Variants in SBSPON observed in about 807,000 individuals in gnomAD.
SBSPON encodes the protein somatomedin B and thrombospondin type 1 domain containing.
Under a neutral mutation model 35.8 loss-of-function variants are expected in SBSPON, and 30 were observed. The ratio of observed to expected loss-of-function variants is 0.84; its 90% CI spans 0.63 to 1.14. The LOEUF (loss-of-function observed/expected upper bound fraction) is 1.14, where lower values mean the gene tolerates loss of function less well. Among genes scored for constraint, SBSPON ranks in the 50% most tolerant of loss-of-function variants. SBSPON has a pLI of 0.00. For missense variants in SBSPON, 364 were observed against 357.7 expected (o/e 1.02, Z -0.14); for synonymous variants, 136 against 135.9 (o/e 1.00, Z 0.00).
At chr8:73,073,049 C>T (rs1338448602) in intron 2 of SBSPON, among the ~76,000 whole-genome samples, 1 of 152,234 alleles carries the variant, frequency 6.6e-6, no homozygotes, top group Non-Finnish European at 1.5e-5. Context: ...AGGTGTCAGT[C>T]TCCTGGACTG....
rs1296696214 is a variant in SBSPON, at chr8:73,067,053, T to C, written c.*288A>G. 1 of 256,842 alleles carries C rather than the reference T, an allele frequency of 3.9e-6. No individual in the cohort carries two copies. Among genetic ancestry groups the C allele is most frequent in the Non-Finnish European group, 7.5e-6 (1 of 132,472 alleles). The allele number at this position is 256,842 out of a possible 1,614,324, so 15.9% of individuals were successfully genotyped here. A position where few individuals can be genotyped will look rare whatever the true frequency, so the allele number is the denominator to read the frequency against. ...GTAATTTTACTTTAGCAAACAGACATGTATTCTGTGTCTCACGGGCCACCT... is the reference window on the plus strand; with the variant it reads ...GTAATTTTACTTTAGCAAACAGACACGTATTCTGTGTCTCACGGGCCACCT... On this transcript the variant is annotated 3_prime_UTR_variant, in exon 5 of 5. Coordinates refer to ENST00000297354, the MANE Select transcript of SBSPON (RefSeq NM_153225.4).
chr8:73,083,616 G>A (rs1450563200), intron 1 of SBSPON, among the ~76,000 whole-genome samples: 1 of 152,222 alleles, frequency 6.6e-6, no homozygotes, highest in Non-Finnish European at 1.5e-5. Context: ...GATGCCAATA[G>A]TATTCATGTC....
chr8:73,075,729 C>T lies in SBSPON; in HGVS notation c.410-3859G>A, dbSNP rs938885470. ...CACAATGGGGTGTCACAAAAGCAGGCCTGGGATCACTGGTCTATAGTACAG... is the reference window on the plus strand; with the variant it reads ...CACAATGGGGTGTCACAAAAGCAGGTCTGGGATCACTGGTCTATAGTACAG... On this transcript the variant is annotated intron_variant, in intron 2 of 4. Transcript: ENST00000297354. 9.0e-6 allele frequency: 8 copies of T among 884,648 alleles called. No homozygotes were observed. The African/African-American group carries it at 1.3e-4, about 14-fold the overall frequency. The allele number at this position is 884,648 out of a possible 1,614,324, so 54.8% of individuals were successfully genotyped here.
chr8:73,074,036 CACAA>C (rs2129998984), intron 2 of SBSPON, among the ~76,000 whole-genome samples: 1 of 152,290 alleles, frequency 6.6e-6, no homozygotes, highest in East Asian at 1.9e-4. Context: ...TTATCAGAAA[CACAA>C]ACATCTAAAG....
chr8:73,089,250 T>C (rs2130043152), intron 1 of SBSPON, among the ~76,000 whole-genome samples: 1 of 152,288 alleles, frequency 6.6e-6, no homozygotes, highest in East Asian at 1.9e-4. Flanking sequence ...CTGACCTGCC[T>C]TTCTTAACAA....
In SBSPON at chr8:73,089,163, T is replaced by C. The variant is rs570111872; in HGVS notation, c.214+3691A>G. Reference sequence around the variant, plus strand: ...ATCAGTGCAAGTCAGGTGAGACTTTTGCCACCAAATGAGTTATGAAAAAGC... The same window carrying C: ...ATCAGTGCAAGTCAGGTGAGACTTTCGCCACCAAATGAGTTATGAAAAAGC... On this transcript the variant is annotated intron_variant, in intron 1 of 4. Coordinates refer to ENST00000297354, the MANE Select transcript of SBSPON (RefSeq NM_153225.4). Among the ~76,000 whole-genome samples, 11 of 152,370 alleles carry C rather than the reference T, an allele frequency of 7.2e-5. No individual in the cohort carries two copies. The South Asian group carries it at 2.3e-3, about 32-fold the overall frequency.
chr8:73,092,723 G>T, intron 1 of SBSPON, 131 bp downstream of exon 1: 1 of 658,052 alleles, frequency 1.5e-6, no homozygotes, highest in Non-Finnish European at 2.7e-6. Flanking sequence ...TGGCGGTGGT[G>T]GGGATGGGTG....
rs898833981 is a variant in SBSPON, at chr8:73,067,446, G to A, written c.690C>T (p.Leu230=). The A allele has an allele frequency of 6.2e-7, 1 of 1,601,664 alleles. No homozygotes were observed. ...GAGGATTACCAATTGCTTGCCAATGGAGAGTCTGATTTCTGAAACGATATT... is the reference window on the plus strand; with the variant it reads ...GAGGATTACCAATTGCTTGCCAATGAAGAGTCTGATTTCTGAAACGATATT... ...DGLDSDGNQT[L]HWQAIGNPRC... is the part of the protein sequence containing the mutation. Residue 230 remains leucine, a synonymous_variant, in exon 5 of 5, where the codon CTC becomes CTT. Coordinates refer to ENST00000297354, the MANE Select transcript of SBSPON (RefSeq NM_153225.4).
At chr8:73,090,626 C>T (rs1810913892) in intron 1 of SBSPON, among the ~76,000 whole-genome samples, 1 of 152,248 alleles carries the variant, frequency 6.6e-6, no homozygotes. Context: ...TCGCAAGAAA[C>T]TTCAGGCACA....
In SBSPON at chr8:73,076,160, C is replaced by T. The variant is rs115459799; in HGVS notation, c.410-4290G>A. ...AGCCGGGAGATCCAGGTTTTAGTTC[C>T]AGTAGTCCTTCACACGTGCTGTCAC... On this transcript the variant is annotated intron_variant, in intron 2 of 4. Transcript: ENST00000297354. Among the ~76,000 whole-genome samples the T allele has an allele frequency of 8.5e-3, 1,290 of 152,182 alleles. 24 individuals are homozygous for T. Among genetic ancestry groups the T allele is most frequent in the African/African-American group, 0.03 (1,225 of 41,524 alleles).
At chr8:73,080,976 T>C in intron 2 of SBSPON, 43 bp downstream of exon 2, 1 of 1,496,866 alleles carries the variant, frequency 6.7e-7, no homozygotes, top group African/African-American at 1.4e-5. Flanking sequence ...GGTCAAAAAG[T>C]CATCACAGAT....
chr8:73,077,332 A>T (rs567452230), intron 2 of SBSPON, among the ~76,000 whole-genome samples: 3 of 152,374 alleles, frequency 2.0e-5, no homozygotes, highest in African/African-American at 7.2e-5. Context: ...TCTCTCTGCT[A>T]TGCAAACATG....
intron 4 of SBSPON, among the ~76,000 whole-genome samples, chr8:73,068,278 T>A (rs1275211366): frequency 6.6e-6 from 1 of 152,226 alleles, no homozygotes; most frequent in Non-Finnish European, 1.5e-5. Context: ...TATTTTCTAT[T>A]TGATATAAAT....
intron 1 of SBSPON, among the ~76,000 whole-genome samples, chr8:73,083,202 C>T (rs1196678163): frequency 2.0e-5 from 3 of 152,124 alleles, no homozygotes; most frequent in South Asian, 4.1e-4. Flanking sequence ...TGCTCCTATT[C>T]GTTAAAGTTT....
intron 1 of SBSPON, chr8:73,083,782 C>T (rs2130028105): frequency 6.6e-6 from 1 of 152,340 alleles, no homozygotes. Context: ...GCCTTTGACT[C>T]CAAGTTTGTC....
chr8:73,089,599 A>G (rs1360264914), intron 1 of SBSPON, among the ~76,000 whole-genome samples: 1 of 152,142 alleles, frequency 6.6e-6, no homozygotes, highest in Non-Finnish European at 1.5e-5. Flanking sequence ...TAAATGAGAC[A>G]AAGTATTAAG....
Position 73,069,868 on chromosome 8 carries a change from C to T in SBSPON, c.614G>A (p.Cys205Tyr), listed in dbSNP as rs749693483. The T allele has an allele frequency of 6.2e-7, 1 of 1,614,088 alleles. No individual in the cohort carries two copies. The highest frequency in any genetic ancestry group is 8.5e-7 in the Non-Finnish European group (1 of 1,179,938). Reference protein sequence around the residue: ...LREGYTVCVDCQPPAMNSVSL... With the variant: ...LREGYTVCVDYQPPAMNSVSL... Reference sequence around the variant, plus strand: ...CACAGAGTTCATAGCTGGAGGCTGACAATCCACACACACCGTGTATCCCTC... The same window carrying T: ...CACAGAGTTCATAGCTGGAGGCTGATAATCCACACACACCGTGTATCCCTC... Residue 205 changes from cysteine (C) to tyrosine (Y), a missense_variant, in exon 4 of 5, where the codon TGT (cysteine) becomes TAT (tyrosine). By Grantham distance (194) the Cys-to-Tyr change is radical. Transcript: ENST00000297354.
chr8:73,075,010 T>C (rs1339465936), intron 2 of SBSPON, among the ~76,000 whole-genome samples: 1 of 152,204 alleles, frequency 6.6e-6, no homozygotes, highest in Non-Finnish European at 1.5e-5. Context: ...ACAGAAGCTA[T>C]CTTCTGAGGG....
intron 1 of SBSPON, among the ~76,000 whole-genome samples, chr8:73,091,442 G>T (rs557190437): frequency 6.6e-6 from 1 of 152,164 alleles, no homozygotes; most frequent in Admixed American, 6.5e-5. Flanking sequence ...CTATCCCTGC[G>T]CTTACCACAG....
Sources: gnomAD v4.1 joint callset for allele counts (sites outside exome capture counted in the v4.1 genomes callset) on GRCh38, gnomAD v4.1.1 for gene constraint, MANE v1.5 for transcripts, NCBI Gene and HGNC (gene_info 2026-07-23, HGNC 2026-07-21) for gene names.